The following PUDP variants were observed in gnomAD, a reference collection of about 807,000 sequenced individuals.
PUDP encodes pseudouridine-5'-phosphatase.
PUDP carries 8 observed loss-of-function variants against 9.4 expected under a neutral mutation model. The observed-to-expected ratio is 0.85, with a 90% CI of 0.50 to 1.53. PUDP has a LOEUF of 1.53. Among genes scored for constraint, PUDP ranks in the 40% most tolerant of loss-of-function variants. PUDP has a pLI of 0.00. For missense variants in PUDP, 188 were observed against 189.7 expected, an observed-to-expected ratio of 0.99 and a Z score of 0.05; for synonymous variants, 99 against 80.7, an observed-to-expected ratio of 1.23 and a Z score of -1.22.
chrX:6,791,318 CAA>C (rs35244825), intron 3 of PUDP, among the ~76,000 whole-genome samples: 4 of 82,485 alleles, frequency 4.8e-5, no homozygotes, highest in Admixed American at 1.4e-4. Context: ...GACTCTGTCT[CAA>C]AAAAAAAAAA....
intron 2 of PUDP, among the ~76,000 whole-genome samples, chrX:7,095,511 T>C (rs1339251507): frequency 4.5e-5 from 5 of 112,265 alleles, no homozygotes; most frequent in Admixed American, 9.4e-5. Flanking sequence ...TCCTAGGCAC[T>C]GTCCATCTTA....
intron 3 of PUDP, among the ~76,000 whole-genome samples, chrX:7,068,921 C>T (rs750909755): frequency 4.8e-4 from 54 of 111,668 alleles, no homozygotes; most frequent in Non-Finnish European, 6.4e-4. Context: ...AGGCCCCTTT[C>T]CAGACCACTG....
chrX:6,891,461 C>T (rs72609584), intron 3 of PUDP, among the ~76,000 whole-genome samples: 7,330 of 111,696 alleles, frequency 0.066, 357 homozygotes, highest in East Asian at 0.32. Flanking sequence ...TCTTTCCATT[C>T]TCAAAGCAAT....
At chrX:7,106,459 C>T (rs1003757469) in intron 1 of PUDP, among the ~76,000 whole-genome samples, 5 of 112,600 alleles carry the variant, frequency 4.4e-5, no homozygotes, top group African/African-American at 1.3e-4. Flanking sequence ...GCTTTCCTCA[C>T]GCTTACACAA....
rs1372007149 is a variant in PUDP, at chrX:6,903,154, T to C, written c.*247+73979A>G. 5.4e-5 allele frequency among the ~76,000 whole-genome samples: 6 copies of C among 111,807 alleles called. No individual in the cohort carries two copies. The South Asian group carries it at 2.2e-3, about 42-fold the overall frequency. ...AATGTCACATTTCTGAAAACAAAGGTTCTATTGGCAAATGAGCATGAACTT... is the reference window on the plus strand; with the variant it reads ...AATGTCACATTTCTGAAAACAAAGGCTCTATTGGCAAATGAGCATGAACTT... On this transcript the variant is annotated intron_variant and NMD_transcript_variant, in intron 3 of 3. Coordinates refer to the PUDP transcript ENST00000655425.
intron 3 of PUDP, among the ~76,000 whole-genome samples, chrX:6,972,023 T>C (rs1040707830): frequency 1.8e-5 from 2 of 111,979 alleles, no homozygotes; most frequent in Admixed American, 9.5e-5. Context: ...TTGTCTATTA[T>C]TGGTGTATAG....
chrX:7,121,212 G>A (rs1159144107), intron 1 of PUDP, among the ~76,000 whole-genome samples: 1 of 112,103 alleles, frequency 8.9e-6, no homozygotes, highest in Non-Finnish European at 1.9e-5. Context: ...AGCCCTGAAT[G>A]ACAAAAAATA....
At chrX:7,122,903 C>T (rs891095076) in intron 1 of PUDP, among the ~76,000 whole-genome samples, 2 of 112,109 alleles carry the variant, frequency 1.8e-5, no homozygotes, top group Non-Finnish European at 3.8e-5. Context: ...AGTATTTATA[C>T]CAAAAATTGT....
At chrX:6,894,266 A>G (rs113682131) in intron 3 of PUDP, among the ~76,000 whole-genome samples, 107 of 111,538 alleles carry the variant, frequency 9.6e-4, no homozygotes, top group African/African-American at 3.3e-3. Context: ...ATAAAAGTTG[A>G]AGGAAAAAAA....
At chrX:6,882,695 G>T (rs1927366576) in intron 3 of PUDP, among the ~76,000 whole-genome samples, 1 of 111,388 alleles carries the variant, frequency 9.0e-6, no homozygotes, top group Admixed American at 9.6e-5. Flanking sequence ...CTATATCAGG[G>T]ATCCCTGGGG....
rs890357021 is a variant in PUDP at position 7,049,247 on chromosome X, G to C, written c.*1049C>G. The C allele has an allele frequency of 2.7e-5, 3 of 111,960 alleles. No individual in the cohort carries two copies. Among genetic ancestry groups the C allele is most frequent in the African/African-American group, 9.7e-5 (3 of 30,778 alleles). The allele number at this position is 111,960 out of a possible 1,213,427, so 9.2% of individuals were successfully genotyped here. Reference sequence around the variant, plus strand: ...GTGCTCCTTCACTCCCGATTTCCATGGCTACCACCGTTTTTCTCTGGCAAA... The same window carrying C: ...GTGCTCCTTCACTCCCGATTTCCATCGCTACCACCGTTTTTCTCTGGCAAA... On this transcript the variant is annotated 3_prime_UTR_variant, in exon 4 of 4. Coordinates refer to ENST00000381077, the MANE Select transcript of PUDP (RefSeq NM_012080.5).
At chrX:6,822,422 C>A (rs1288340624) in intron 3 of PUDP, among the ~76,000 whole-genome samples, 1 of 111,168 alleles carries the variant, frequency 9.0e-6, no homozygotes, top group African/African-American at 3.3e-5. Flanking sequence ...TGAAAACTTG[C>A]AGGTTTCCCT....
intron 1 of PUDP, among the ~76,000 whole-genome samples, chrX:6,713,075 G>T (rs951327266): frequency 5.4e-5 from 6 of 111,442 alleles, no homozygotes; most frequent in African/African-American, 2.0e-4. Context: ...ACACCAAAAG[G>T]CTTAATGTTG....
chrX:7,093,919 A>C (rs1384253322), intron 2 of PUDP, among the ~76,000 whole-genome samples: 2 of 110,807 alleles, frequency 1.8e-5, no homozygotes, highest in Non-Finnish European at 3.8e-5. Context: ...CAGCCTGAAC[A>C]ATATAGTAGG....
intron 3 of PUDP, among the ~76,000 whole-genome samples, chrX:7,064,422 A>C (rs769453181): frequency 7.1e-5 from 8 of 111,954 alleles, no homozygotes; most frequent in African/African-American, 2.6e-4. Flanking sequence ...TAGTCATTTC[A>C]TTGTTCAGGT....
chrX:6,793,674 T>C (rs1294357776), intron 3 of PUDP, among the ~76,000 whole-genome samples: 1 of 111,246 alleles, frequency 9.0e-6, no homozygotes, highest in Non-Finnish European at 1.9e-5. Context: ...CCATCTACAG[T>C]AGAGGCAGCT....
intron 3 of PUDP, among the ~76,000 whole-genome samples, chrX:6,971,214 C>A (rs1021735015): frequency 2.7e-5 from 3 of 110,611 alleles, no homozygotes; most frequent in Non-Finnish European, 5.7e-5. Context: ...TTTTCTGAGG[C>A]CTCTGTTCTG....
chrX:7,039,902 A>G (rs1929899427), intron 1 of PUDP, among the ~76,000 whole-genome samples: 1 of 112,068 alleles, frequency 8.9e-6, no homozygotes, highest in Non-Finnish European at 1.9e-5. Context: ...GCAGACTCCA[A>G]TCAGTGCAGA....
rs191590575 is a variant in PUDP, at chrX:6,731,366, T to C, written c.*248-24900A>G. Among the ~76,000 whole-genome samples the C allele has an allele frequency of 6.3e-4, 70 of 111,872 alleles. No individual in the cohort carries two copies. The East Asian group carries it at 0.011, about 18-fold the overall frequency. On this transcript the variant is annotated intron_variant and NMD_transcript_variant, in intron 3 of 3. Coordinates refer to the PUDP transcript ENST00000655425. ...GGGATTACAGTCATGAGCCACTGCA[T>C]CCAGCCCAGGGGATACAGTCTTAAG...
Sources: gnomAD v4.1 joint callset for allele counts (sites outside exome capture counted in the v4.1 genomes callset) on GRCh38, gnomAD v4.1.1 for gene constraint, MANE v1.5 for transcripts, NCBI Gene and HGNC (gene_info 2026-07-23, HGNC 2026-07-21) for gene names.